GALNT13: variants seen among roughly 807,000 people sequenced by gnomAD.
GALNT13 encodes polypeptide N-acetylgalactosaminyltransferase 13, also known as UDP-GalNAc:polypeptide N-acetylgalactosaminyltransferase 13.
A neutral mutation model predicts 64.2 loss-of-function variants in GALNT13; 28 were observed. That is an observed-to-expected ratio of 0.44 (90% CI 0.32 to 0.60). The LOEUF is 0.60. Ranked by LOEUF, GALNT13 falls within the 20% of genes least tolerant of loss-of-function variation. GALNT13 has a pLI of 0.05. For synonymous variants in GALNT13, 214 were observed against 224.6 expected (o/e 0.95, Z 0.42); for missense variants, 577 against 669.8 (o/e 0.86, Z 1.53).
chr2:153,897,214 G>A (rs1017984438), intron 1 of GALNT13, among the ~76,000 whole-genome samples: 3 of 152,082 alleles, frequency 2.0e-5, no homozygotes, highest in Admixed American at 6.6e-5. Flanking sequence ...CTTGTATTGT[G>A]TAACTCCCAG....
At chr2:153,501,298 G>T in the GALNT13 span, among the ~76,000 whole-genome samples, 24 of 151,592 alleles carry the variant, frequency 1.6e-4, no homozygotes, top group African/African-American at 5.1e-4. Context: ...CTCCTTTTTT[G>T]TTGTTGTTGT....
intron 12 of GALNT13, among the ~76,000 whole-genome samples, chr2:154,449,779 T>C (rs1701789363): frequency 6.6e-6 from 1 of 151,946 alleles, no homozygotes; most frequent in South Asian, 2.1e-4. Flanking sequence ...ATAAATATAA[T>C]GTTTAAAAAT....
the GALNT13 span, among the ~76,000 whole-genome samples, chr2:153,292,294 G>A: frequency 2.6e-5 from 3 of 115,104 alleles, no homozygotes; most frequent in Non-Finnish European, 6.3e-5. Context: ...AAGAAGAAAG[G>A]GTAACTTATC....
At chr2:153,674,496 A>G in the GALNT13 span, among the ~76,000 whole-genome samples, 7 of 152,330 alleles carry the variant, frequency 4.6e-5, no homozygotes, top group South Asian at 1.5e-3. Flanking sequence ...CTGGCTAGCC[A>G]AATGTAGAAT....
chr2:153,915,775 A>G (rs1689291104), intron 2 of GALNT13, among the ~76,000 whole-genome samples: 4 of 152,188 alleles, frequency 2.6e-5, no homozygotes, highest in Admixed American at 6.5e-5. Flanking sequence ...CAGCCTAGCC[A>G]TCACATTTGT....
At chr2:153,430,046 G>C in the GALNT13 span, among the ~76,000 whole-genome samples, 1 of 152,102 alleles carries the variant, frequency 6.6e-6, no homozygotes, top group African/African-American at 2.4e-5. Flanking sequence ...CTACAATCAT[G>C]GGAACTGTGT....
chr2:154,434,323 G>C (rs1339019409), intron 11 of GALNT13, among the ~76,000 whole-genome samples: 4 of 152,134 alleles, frequency 2.6e-5, no homozygotes, highest in Admixed American at 6.5e-5. Context: ...GCAGTGGTGT[G>C]ATCTCCGCTC....
At chr2:153,878,557 T>C (rs1686555658) in intron 1 of GALNT13, among the ~76,000 whole-genome samples, 2 of 152,214 alleles carry the variant, frequency 1.3e-5, no homozygotes, top group South Asian at 4.1e-4. Flanking sequence ...GTTGAAATGA[T>C]TGGAAGATTA....
chr2:153,938,952 G>A (rs965955767), intron 2 of GALNT13, among the ~76,000 whole-genome samples: 9 of 152,144 alleles, frequency 5.9e-5, no homozygotes, highest in African/African-American at 2.2e-4. Context: ...AAATGCTGGA[G>A]TTTTAAAATT....
At chr2:154,298,541 T>TATATATAAATTGTATATATAATTC (rs1693104069) in intron 8 of GALNT13, among the ~76,000 whole-genome samples, 3 of 90,670 alleles carry the variant, frequency 3.3e-5, no homozygotes, top group Non-Finnish European at 6.6e-5. Flanking sequence ...TGTATATATT[T>TATATATAAATTGTATATATAATTC]ATATATAAAT....
the GALNT13 span, among the ~76,000 whole-genome samples, chr2:153,189,816 C>A: frequency 6.6e-6 from 1 of 152,078 alleles, no homozygotes; most frequent in Non-Finnish European, 1.5e-5. Flanking sequence ...GATAATATCT[C>A]ACTGTGGTTT....
chr2:153,966,823 C>T (rs897677773), intron 3 of GALNT13, among the ~76,000 whole-genome samples: 33 of 152,144 alleles, frequency 2.2e-4, no homozygotes, highest in Admixed American at 6.6e-5. Context: ...GTCATTTCTA[C>T]CTTGATCCCT....
chr2:153,969,229 C>T (rs1319341676), intron 3 of GALNT13, among the ~76,000 whole-genome samples: 1 of 151,956 alleles, frequency 6.6e-6, no homozygotes, highest in Non-Finnish European at 1.5e-5. Context: ...ATGCATTAGG[C>T]ATCACAAAGG....
chr2:154,363,969 T>A (rs983346025), intron 9 of GALNT13, among the ~76,000 whole-genome samples: 18 of 152,174 alleles, frequency 1.2e-4, no homozygotes, highest in African/African-American at 4.3e-4. Flanking sequence ...TCAATAATTA[T>A]TTTTTGTGTT....
At chr2:153,238,863 T>A in the GALNT13 span, among the ~76,000 whole-genome samples, 1 of 152,152 alleles carries the variant, frequency 6.6e-6, no homozygotes, top group Non-Finnish European at 1.5e-5. Flanking sequence ...AGATTGCTTT[T>A]TCTATTGCTG....
chr2:153,785,402 G>C, the GALNT13 span, among the ~76,000 whole-genome samples: 5 of 152,164 alleles, frequency 3.3e-5, no homozygotes, highest in Non-Finnish European at 7.3e-5. Context: ...TTGCTGTTTC[G>C]TAGCCATCAC....
the GALNT13 span, among the ~76,000 whole-genome samples, chr2:153,796,537 TATTAC>T: frequency 6.6e-6 from 1 of 152,208 alleles, no homozygotes; most frequent in Non-Finnish European, 1.5e-5. Flanking sequence ...TAAAAATAAA[TATTAC>T]AGTAAAGTAT....
the GALNT13 span, among the ~76,000 whole-genome samples, chr2:153,716,612 A>G: frequency 2.0e-5 from 3 of 152,268 alleles, no homozygotes; most frequent in African/African-American, 7.2e-5. Flanking sequence ...TTTTAATTGT[A>G]TTGTTGCAGT....
At chr2:153,511,859 G>T in the GALNT13 span, among the ~76,000 whole-genome samples, 1 of 152,184 alleles carries the variant, frequency 6.6e-6, no homozygotes, top group South Asian at 2.1e-4. Context: ...GGTAGGGATA[G>T]GTGGTCAGCC....
Sources: gnomAD v4.1 joint callset for allele counts (sites outside exome capture counted in the v4.1 genomes callset) on GRCh38, gnomAD v4.1.1 for gene constraint, MANE v1.5 for transcripts, NCBI Gene and HGNC (gene_info 2026-07-23, HGNC 2026-07-21) for gene names.